The following AGO4 variants were observed in gnomAD, a reference collection of about 807,000 sequenced individuals.
The protein encoded by AGO4 is protein argonaute-4.
AGO4 carries 33 observed loss-of-function variants against 104.7 expected under a neutral mutation model. The ratio of observed to expected loss-of-function variants is 0.32; its 90% confidence interval spans 0.24 to 0.42. AGO4 has a LOEUF of 0.42. Ranked by LOEUF, AGO4 falls within the 10% of genes least tolerant of loss-of-function variation. AGO4 has a pLI of 1.00. For synonymous variants in AGO4, 331 were observed against 364.7 expected (o/e 0.91, Z 1.05); for missense variants, 711 against 1,083.4 (o/e 0.66, Z 4.83).
chr1:35,848,576 G>A (rs1644628949), intron 15 of AGO4, among the ~76,000 whole-genome samples: 2 of 151,564 alleles, frequency 1.3e-5, no homozygotes, highest in South Asian at 4.2e-4. Context: ...AATTGAAAAG[G>A]CCTGGATTCC....
rs970024568 is a variant in AGO4 at position 35,841,811 on chromosome 1, C to T, written c.2175+61C>T. ...CTCTGGCAAGAGATGTATATATGCACATATATATATATATATATATATATA... is the reference window on the plus strand; with the variant it reads ...CTCTGGCAAGAGATGTATATATGCATATATATATATATATATATATATATA... On this transcript the variant is annotated intron_variant, in intron 15 of 17. Transcript: ENST00000373210. The surrounding 1 kb of genome is among the most constrained non-coding windows in gnomAD (Gnocchi z 4.7). 9.7e-5 allele frequency: 59 copies of T among 606,456 alleles called. No individual in the cohort carries two copies. The highest frequency in any genetic ancestry group is 1.1e-4 in the Non-Finnish European group (47 of 415,500). 37.6% of individuals were successfully genotyped at this position (606,456 alleles called of 1,614,324 possible).
At chr1:35,848,051 C>CA (rs1221272996) in intron 15 of AGO4, among the ~76,000 whole-genome samples, 1 of 151,922 alleles carries the variant, frequency 6.6e-6, no homozygotes, top group East Asian at 1.9e-4. Flanking sequence ...TCTGTCATAC[C>CA]AAAAAATCTT....
chr1:35,816,114 A>G (rs1007273661), intron 1 of AGO4, among the ~76,000 whole-genome samples: 1 of 152,228 alleles, frequency 6.6e-6, no homozygotes, highest in African/African-American at 2.4e-5. Context: ...AAATTGATAA[A>G]TAGAGCTGTG....
chr1:35,825,897 G>C (rs755698629), intron 5 of AGO4, 29 bp from the exon 6 acceptor site: 1 of 1,609,858 alleles, frequency 6.2e-7, no homozygotes, highest in South Asian at 1.1e-5. Context: ...CCTTTTCCCT[G>C]AAGTGAAGTA....
rs187324612 is a variant in AGO4, at chr1:35,856,552, C to T, written c.*2947C>T. The T allele has an allele frequency of 6.8e-4, 104 of 152,342 alleles. 1 individual carries two copies. The highest frequency in any genetic ancestry group is 2.4e-3 in the African/African-American group (98 of 41,522). The allele number at this position is 152,342 out of a possible 1,614,324, so 9.4% of individuals were successfully genotyped here. ...GGGGATAAGAAGTGGGGACATTGGC[C>T]GGGCGCGGTGGCTCACGCCTGTAAT... On this transcript the variant is annotated 3_prime_UTR_variant, in exon 18 of 18. Transcript: ENST00000373210.
intron 15 of AGO4, among the ~76,000 whole-genome samples, chr1:35,842,256 G>GGT: frequency 6.6e-6 from 1 of 152,078 alleles, no homozygotes; most frequent in Non-Finnish European, 1.5e-5. Flanking sequence ...TACCACCTGA[G>GGT]CTCTGCCTCC....
At chr1:35,844,467 C>G (rs889375624) in intron 15 of AGO4, among the ~76,000 whole-genome samples, 3 of 151,994 alleles carry the variant, frequency 2.0e-5, no homozygotes, top group African/African-American at 7.2e-5. Flanking sequence ...CACCTTTATA[C>G]TCTTCTCAAG....
At chr1:35,823,494 C>T (rs1306508922) in intron 3 of AGO4, among the ~76,000 whole-genome samples, 2 of 152,100 alleles carry the variant, frequency 1.3e-5, no homozygotes, top group African/African-American at 2.4e-5. Flanking sequence ...GGCGCGATCT[C>T]GGCGCAGTGC....
chr1:35,823,252 A>ATTT (rs1175171016), intron 3 of AGO4, among the ~76,000 whole-genome samples: 2 of 141,630 alleles, frequency 1.4e-5, no homozygotes, highest in Non-Finnish European at 3.1e-5. Context: ...ATTCTTAGAA[A>ATTT]TTTTTTTTTT....
At chr1:35,844,811 C>G (rs994088374) in intron 15 of AGO4, among the ~76,000 whole-genome samples, 1 of 152,224 alleles carries the variant, frequency 6.6e-6, no homozygotes, top group Admixed American at 6.5e-5. Flanking sequence ...TCACCTCACC[C>G]TGCTTCTCCC....
chr1:35,831,298 G>A (rs1644178423), intron 7 of AGO4, 129 bp from the exon 8 acceptor site: 1 of 951,212 alleles, frequency 1.1e-6, no homozygotes, highest in Non-Finnish European at 1.5e-6. Flanking sequence ...GGAGGCGGAG[G>A]TTGAGATCAC....
intron 3 of AGO4, among the ~76,000 whole-genome samples, chr1:35,824,687 G>C (rs186562087): frequency 1.3e-5 from 2 of 152,040 alleles, no homozygotes; most frequent in Non-Finnish European, 2.9e-5. Context: ...TGTAATTCCA[G>C]CTACTTGGGA....
chr1:35,842,273 A>C (rs1361282713), intron 15 of AGO4, among the ~76,000 whole-genome samples: 1 of 152,068 alleles, frequency 6.6e-6, no homozygotes, highest in Non-Finnish European at 1.5e-5. Context: ...CTCCTGTCAG[A>C]TCAGCAGTGG....
In AGO4 at chr1:35,855,944, A is replaced by T. The variant is rs1212107292; in HGVS notation, c.*2339A>T. ...CCTCGGGCTTGCTTATTAATAACGC[A>T]CAGAAGAAGCATCACTTCTCACCAT... On this transcript the variant is annotated 3_prime_UTR_variant, in exon 18 of 18. Coordinates refer to ENST00000373210, the MANE Select transcript of AGO4 (RefSeq NM_017629.4). 6.6e-6 allele frequency: 1 copy of T among 152,182 alleles called. No homozygotes were observed. The highest frequency in any genetic ancestry group is 1.5e-5 in the Non-Finnish European group (1 of 68,010). 9.4% of individuals were successfully genotyped at this position (152,182 alleles called of 1,614,324 possible). A position where few individuals can be genotyped will look rare whatever the true frequency, so the allele number is the denominator to read the frequency against.
intron 7 of AGO4, among the ~76,000 whole-genome samples, chr1:35,829,132 GCTTTGTCTAGATAGTTGA>G: frequency 6.6e-6 from 1 of 151,634 alleles, no homozygotes; most frequent in Non-Finnish European, 1.5e-5. Context: ...CACCCAGAGG[GCTTTGTCTAGATAGTTGA>G]AATTTTCAGA....
intron 17 of AGO4, among the ~76,000 whole-genome samples, 162 bp from the exon 18 acceptor site, chr1:35,853,335 G>A (rs1644751316): frequency 6.6e-6 from 1 of 151,640 alleles, no homozygotes. Context: ...TAAAGCTTAA[G>A]CCTAAGATAT....
In AGO4 at chr1:35,808,279, C is replaced by T. The variant is rs959018847; in HGVS notation, c.-138C>T. The T allele has an allele frequency of 7.4e-5, 25 of 339,276 alleles. No individual in the cohort carries two copies. The highest frequency in any genetic ancestry group is 1.7e-5 in the Non-Finnish European group (4 of 239,084). The allele number at this position is 339,276 out of a possible 1,614,324, so 21.0% of individuals were successfully genotyped here. The stretch of plus-strand genomic sequence containing the variant: ...GCCGGGCGCCGCCGCCGCCCCCTGC[C>T]CAGCGCCCGCGTCTCCGCGGCGCCA... On this transcript the variant is annotated 5_prime_UTR_variant, in exon 1 of 18. Transcript: ENST00000373210. This position sits in a 1 kb window ranked among gnomAD's most constrained non-coding sequence, Gnocchi z 5.2.
At position 35,841,899 on chromosome 1, in the gene AGO4, G is replaced by C. The variant is rs551411901; in HGVS notation, c.2175+149G>C. On this transcript the variant is annotated intron_variant, in intron 15 of 17. Coordinates refer to ENST00000373210, the MANE Select transcript of AGO4 (RefSeq NM_017629.4). The surrounding 1 kb of genome is among the most constrained non-coding windows in gnomAD (Gnocchi z 4.7). ...AATGCCTGATAATAATTTAACTGCAGTTGGGTTTAGATGACCAATTCTGAA... is the reference window on the plus strand; with the variant it reads ...AATGCCTGATAATAATTTAACTGCACTTGGGTTTAGATGACCAATTCTGAA... 1 of 450,994 alleles carries C rather than the reference G, an allele frequency of 2.2e-6. No homozygotes were observed. Among genetic ancestry groups the C allele is most frequent in the Non-Finnish European group, 3.3e-6 (1 of 302,462 alleles). 27.9% of individuals were successfully genotyped at this position (450,994 alleles called of 1,614,324 possible).
At chr1:35,839,987 A>ATTGTT (rs1402966480) in intron 13 of AGO4, among the ~76,000 whole-genome samples, 15 of 149,036 alleles carry the variant, frequency 1.0e-4, no homozygotes, top group South Asian at 6.4e-4. Flanking sequence ...AAAAAAGGGT[A>ATTGTT]TTGTTTTGTT....
Sources: gnomAD v4.1 joint callset for allele counts (sites outside exome capture counted in the v4.1 genomes callset) on GRCh38, gnomAD v4.1.1 for gene constraint, Gnocchi (gnomAD v3.1) non-coding constraint, MANE v1.5 for transcripts, NCBI Gene and HGNC (gene_info 2026-07-23, HGNC 2026-07-21) for gene names.